Variants in ZFP64 observed in about 807,000 individuals in gnomAD.
ZFP64 encodes the protein ZFP64 zinc finger protein.
ZFP64 carries 14 observed loss-of-function variants against 51.6 expected under a neutral mutation model. That is an observed-to-expected ratio of 0.27 (90% confidence interval 0.18 to 0.42). ZFP64 has a LOEUF of 0.42. Ranked by LOEUF, ZFP64 falls within the 10% of genes least tolerant of loss-of-function variation. The pLI is 1.00. For synonymous variants in ZFP64, 375 were observed against 361.4 expected (o/e 1.04, Z -0.43); for missense variants, 754 against 906.8 (o/e 0.83, Z 2.16).
chr20:52,130,395 G>A (rs895382356), intron 5 of ZFP64, among the ~76,000 whole-genome samples: 8 of 151,972 alleles, frequency 5.3e-5, no homozygotes, highest in African/African-American at 7.2e-5. Flanking sequence ...TTTATTTTTT[G>A]TAGAGAGGGG....
At chr20:52,144,611 G>C (rs1194472802) in intron 5 of ZFP64, among the ~76,000 whole-genome samples, 1 of 84,650 alleles carries the variant, frequency 1.2e-5, no homozygotes. Context: ...AATGCTGAAA[G>C]CTGAAATGAA....
chr20:52,108,672 C>A (rs1196965998), intron 5 of ZFP64, among the ~76,000 whole-genome samples: 1 of 151,876 alleles, frequency 6.6e-6, no homozygotes, highest in Non-Finnish European at 1.5e-5. Flanking sequence ...CCATGCCCGA[C>A]AATTTTTTTT....
At chr20:52,105,434 C>T (rs1978306705) in intron 5 of ZFP64, 5 of 1,179,730 alleles carry the variant, frequency 4.2e-6, no homozygotes, top group Non-Finnish European at 5.3e-6. Context: ...GTCCCGCGGA[C>T]TTGCGGTCCG....
chr20:52,087,967 T>C (rs533293636), intron 8 of ZFP64, among the ~76,000 whole-genome samples: 3 of 99,940 alleles, frequency 3.0e-5, no homozygotes, highest in Admixed American at 8.8e-5. Flanking sequence ...GAGTTGGTCC[T>C]ATCATTTCAG....
At chr20:52,096,541 AGGATT>A (rs1274047086) in intron 7 of ZFP64, among the ~76,000 whole-genome samples, 1 of 152,270 alleles carries the variant, frequency 6.6e-6, no homozygotes, top group African/African-American at 2.4e-5. Context: ...ATGCAAGTAT[AGGATT>A]TGTACCACAG....
At chr20:52,114,957 G>A (rs1209339940) in intron 5 of ZFP64, among the ~76,000 whole-genome samples, 2 of 152,088 alleles carry the variant, frequency 1.3e-5, no homozygotes, top group Non-Finnish European at 2.9e-5. Context: ...CAGCACTTTG[G>A]GAGGCCGAGG....
chr20:52,104,400 G>A (rs1347801739), intron 5 of ZFP64, among the ~76,000 whole-genome samples: 1 of 152,204 alleles, frequency 6.6e-6, no homozygotes, highest in Non-Finnish European at 1.5e-5. Flanking sequence ...CTGTGTCCAC[G>A]TGGCAGCCGA....
intron 5 of ZFP64, among the ~76,000 whole-genome samples, chr20:52,135,830 G>C (rs1979943092): frequency 6.6e-6 from 1 of 151,942 alleles, no homozygotes; most frequent in Non-Finnish European, 1.5e-5. Flanking sequence ...TGGGTTCGGT[G>C]GCTCACGCCT....
At chr20:52,100,890 A>G (rs2122767089) in intron 5 of ZFP64, among the ~76,000 whole-genome samples, 1 of 152,334 alleles carries the variant, frequency 6.6e-6, no homozygotes. Flanking sequence ...AGTAAATACA[A>G]TTGCGTGGCT....
rs767603873 is a variant in ZFP64 at position 52,191,628 on chromosome 20, C to T, written c.9G>A (p.Ala3=). MN[A]SSEGESFAGS... ...CCGCGAAGCTCTCGCCCTCGCTGCT[C>T]GCGTTCATGGCCGCAGACTGGGAGG... is the stretch of plus-strand genomic sequence containing the variant. The change falls in exon 1 of 6, where the codon GCG becomes GCA. Residue 3 remains alanine, a synonymous_variant. Coordinates refer to ENST00000216923, the MANE Select transcript of ZFP64 (RefSeq NM_018197.3). This position sits in a 1 kb window ranked among gnomAD's most constrained non-coding sequence, Gnocchi z 4.3. 3.1e-6 allele frequency: 5 copies of T among 1,589,190 alleles called. No individual in the cohort carries two copies. Among genetic ancestry groups the T allele is most frequent in the Admixed American group, 1.7e-5 (1 of 57,576 alleles).
At position 52,117,166 on chromosome 20, in the gene ZFP64, T is replaced by C. The variant is rs74716832; in HGVS notation, c.764-18579A>G. ...TTCCTGATTCACATGTGAAAGTTTCTGTATGTCCAGAACCTGTATTTAACA... is the reference window on the plus strand; with the variant it reads ...TTCCTGATTCACATGTGAAAGTTTCCGTATGTCCAGAACCTGTATTTAACA... On this transcript the variant is annotated intron_variant, in intron 5 of 8. Coordinates refer to the ZFP64 transcript ENST00000361387. 2.4e-3 allele frequency among the ~76,000 whole-genome samples: 366 copies of C among 152,350 alleles called. 1 individual carries two copies. The highest frequency in any genetic ancestry group is 8.4e-3 in the African/African-American group (351 of 41,576).
chr20:52,085,377 CTA>C lies in ZFP64; in HGVS notation c.1229-113_1229-112del. 1 of 1,145,554 alleles carries C rather than the reference CTA, an allele frequency of 8.7e-7. No individual in the cohort carries two copies. Among genetic ancestry groups the C allele is most frequent in the Admixed American group, 2.7e-5 (1 of 37,050 alleles). The allele number at this position is 1,145,554 out of a possible 1,614,324, so 71.0% of individuals were successfully genotyped here. A position where few individuals can be genotyped will look rare whatever the true frequency, so the allele number is the denominator to read the frequency against. Reference sequence around the variant, plus strand: ...ATGAGATGGTTGGGTTTTGTGAACTCTAAACCCAACCTCCTAATGACAACACT... The same window carrying C: ...ATGAGATGGTTGGGTTTTGTGAACTCAACCCAACCTCCTAATGACAACACT... On this transcript the variant is annotated intron_variant, in intron 8 of 8. Coordinates refer to the ZFP64 transcript ENST00000361387. The surrounding 1 kb of genome is among the most constrained non-coding windows in gnomAD (Gnocchi z 4.3).
intron 5 of ZFP64, among the ~76,000 whole-genome samples, chr20:52,107,983 T>C (rs1205195831): frequency 6.6e-6 from 1 of 152,222 alleles, no homozygotes; most frequent in Non-Finnish European, 1.5e-5. Flanking sequence ...TCTGGCACTT[T>C]GGGAAGCTGA....
At position 52,084,257 on chromosome 20, in the gene ZFP64, C is replaced by G. The variant is rs540376561; in HGVS notation, c.*300G>C. 1.2e-4 allele frequency: 43 copies of G among 357,274 alleles called. 1 individual carries two copies. The highest frequency in any genetic ancestry group is 7.8e-4 in the South Asian group (11 of 14,106). 22.1% of individuals were successfully genotyped at this position (357,274 alleles called of 1,614,324 possible). On this transcript the variant is annotated 3_prime_UTR_variant, in exon 9 of 9. Coordinates refer to the ZFP64 transcript ENST00000361387. ...TCAGTTTTAAAATTGGAATCCGTTA[C>G]GTAGAAGCTATCCCCATTGGATAGA...
chr20:52,165,764 A>T (rs6021771), intron 3 of ZFP64, 100 bp downstream of exon 3: 1 of 1,500,452 alleles, frequency 6.7e-7, no homozygotes, highest in Non-Finnish European at 9.2e-7. Context: ...GTAGTTTGGA[A>T]CACATCCATG....
intron 5 of ZFP64, among the ~76,000 whole-genome samples, chr20:52,126,935 T>G (rs1600731135): frequency 6.7e-6 from 1 of 148,348 alleles, no homozygotes; most frequent in African/African-American, 2.5e-5. Flanking sequence ...TTAAAGGAAG[T>G]GATATGGTTA....
chr20:52,097,499 G>A, intron 6 of ZFP64: 1 of 1,490,790 alleles, frequency 6.7e-7, no homozygotes, highest in Non-Finnish European at 9.1e-7. Flanking sequence ...CTGTCGCCCA[G>A]GCTGGAGTGC....
intron 5 of ZFP64, among the ~76,000 whole-genome samples, chr20:52,116,293 G>A (rs184563542): frequency 3.6e-4 from 54 of 151,116 alleles, no homozygotes; most frequent in African/African-American, 1.0e-3. Flanking sequence ...GCATCACCAC[G>A]CACGGCTTAT....
chr20:52,138,171 C>T (rs11699864), intron 5 of ZFP64, among the ~76,000 whole-genome samples: 1 of 151,918 alleles, frequency 6.6e-6, no homozygotes, highest in Non-Finnish European at 1.5e-5. Context: ...CACTCCACTG[C>T]ACTTTAGCCT....
Sources: gnomAD v4.1 joint callset for allele counts (sites outside exome capture counted in the v4.1 genomes callset) on GRCh38, gnomAD v4.1.1 for gene constraint, Gnocchi (gnomAD v3.1) non-coding constraint, MANE v1.5 for transcripts, NCBI Gene and HGNC (gene_info 2026-07-23, HGNC 2026-07-21) for gene names.